Variants in PAPPA observed in about 807,000 individuals in gnomAD.
The protein encoded by PAPPA is pappalysin 1.
Under a neutral mutation model 164.0 loss-of-function variants are expected in PAPPA, and 60 were observed. The observed-to-expected ratio is 0.37, with a 90% confidence interval of 0.30 to 0.45. The LOEUF (loss-of-function observed/expected upper bound fraction) is 0.45, where lower values mean the gene tolerates loss of function less well. PAPPA is among the 20% of genes least tolerant of loss of function. PAPPA has a pLI of 1.00. For synonymous variants in PAPPA, 875 were observed against 814.1 expected (o/e 1.07, Z -1.27); for missense variants, 1,782 against 2,087.3 (o/e 0.85, Z 2.85).
chr9:116,317,566 C>G (rs1038569373), intron 10 of PAPPA, among the ~76,000 whole-genome samples: 2 of 152,178 alleles, frequency 1.3e-5, no homozygotes, highest in African/African-American at 4.8e-5. Flanking sequence ...GTGTCTAAAT[C>G]TCAGTCAGTT....
At chr9:116,312,595 G>T (rs548385120) in intron 10 of PAPPA, among the ~76,000 whole-genome samples, 1 of 152,174 alleles carries the variant, frequency 6.6e-6, no homozygotes, top group South Asian at 2.1e-4. Context: ...TTAGAGTTTG[G>T]CTGTGCACAA....
At chr9:116,334,295 C>T (rs1846032093) in intron 12 of PAPPA, among the ~76,000 whole-genome samples, 1 of 151,380 alleles carries the variant, frequency 6.6e-6, no homozygotes, top group South Asian at 2.1e-4. Context: ...TGAATTCTCC[C>T]TAGAGTTTTA....
At chr9:116,222,864 A>C (rs1005162934) in intron 5 of PAPPA, among the ~76,000 whole-genome samples, 3 of 152,256 alleles carry the variant, frequency 2.0e-5, no homozygotes, top group Admixed American at 1.3e-4. Context: ...GCCAAAAAAC[A>C]GTGTGAGAGA....
intron 2 of PAPPA, among the ~76,000 whole-genome samples, chr9:116,205,580 G>A (rs780255043): frequency 2.0e-5 from 3 of 152,288 alleles, no homozygotes; most frequent in South Asian, 2.1e-4. Context: ...AAATGAGGGT[G>A]AGGTTGTGGG....
intron 1 of PAPPA, among the ~76,000 whole-genome samples, chr9:116,169,800 A>T (rs1843756462): frequency 1.3e-5 from 2 of 151,194 alleles, no homozygotes; most frequent in African/African-American, 4.9e-5. Flanking sequence ...GAGTTACTGG[A>T]TCTGGTTTAT....
intron 4 of PAPPA, among the ~76,000 whole-genome samples, chr9:116,213,641 T>C (rs1052958249): frequency 6.6e-6 from 1 of 152,176 alleles, no homozygotes; most frequent in African/African-American, 2.4e-5. Context: ...GAGCTGCCAC[T>C]AGCTACCAGA....
chr9:116,168,959 T>C (rs1843744474), intron 1 of PAPPA, among the ~76,000 whole-genome samples: 1 of 152,212 alleles, frequency 6.6e-6, no homozygotes, highest in African/African-American at 2.4e-5. Context: ...ACTAGTCATG[T>C]CGGTGAGGGC....
Position 116,352,887 on chromosome 9 carries a change from T to G in PAPPA, c.4146T>G (p.His1382Gln). 1 of 1,614,108 alleles carries G rather than the reference T, an allele frequency of 6.2e-7. No individual in the cohort carries two copies. ...AATACAAATGCAAGCCTGGATACCA[T>G]GTGCCTGGATCCTCTCGGAAGTCAA... is the stretch of plus-strand genomic sequence containing the variant. ...FCKYKCKPGY[H>Q]VPGSSRKSKK... The change falls in exon 16 of 22, where the codon CAT becomes CAG. Residue 1382 changes from histidine to glutamine, a missense_variant. By Grantham distance (24) the His-to-Gln change is conservative. Around this residue, in one of 2 missense-constraint regions of PAPPA, gnomAD observed 1,324 missense variants for 1,656.9 expected, o/e 0.80. Transcript: ENST00000328252.
chr9:116,328,985 G>A lies in PAPPA; in HGVS notation c.3148-2259G>A, dbSNP rs186699419. Among the ~76,000 whole-genome samples, 34 of 152,286 alleles carry A rather than the reference G, an allele frequency of 2.2e-4. No individual in the cohort carries two copies. In the East Asian group the frequency reaches 5.8e-3, roughly 26 times the overall value. ...TTTATTTAAAAATAAAAGTATTAAT[G>A]CTTGCAACTGCAGATTATAATGCAA... On this transcript the variant is annotated intron_variant, in intron 10 of 21. Transcript: ENST00000328252.
At chr9:116,366,889 T>TG (rs58977822) in intron 18 of PAPPA, among the ~76,000 whole-genome samples, 5,143 of 152,210 alleles carry the variant, frequency 0.034, 325 homozygotes, top group African/African-American at 0.12. Flanking sequence ...ATGCACTTGT[T>TG]GGAGTGGGAA....
chr9:116,169,003 G>C (rs1843745031), intron 1 of PAPPA, among the ~76,000 whole-genome samples: 1 of 152,172 alleles, frequency 6.6e-6, no homozygotes, highest in African/African-American at 2.4e-5. Flanking sequence ...GAACAGATTA[G>C]AGATGGCTCC....
chr9:116,303,598 C>G (rs1389237854), intron 10 of PAPPA, among the ~76,000 whole-genome samples: 1 of 152,168 alleles, frequency 6.6e-6, no homozygotes, highest in African/African-American at 2.4e-5. Context: ...AGCCCCCTTT[C>G]CAATTATCCT....
chr9:116,302,732 C>T (rs1362483806), intron 9 of PAPPA, 25 bp from the exon 10 acceptor site: 1 of 1,585,186 alleles, frequency 6.3e-7, no homozygotes, highest in South Asian at 1.1e-5. Context: ...TTTATTCTCT[C>T]CCTTTCTATG....
In PAPPA at chr9:116,382,423, C is replaced by T. The variant is rs1035400760; in HGVS notation, c.4706C>T (p.Ala1569Val). ...TTCATGGGAGACAATTATTGTGATG[C>T]CATCAACAACCGAGCCTTTTGCAAC... ...EPFMGDNYCD[A>V]INNRAFCNYD... The change falls in exon 21 of 22, where the codon GCC becomes GTC. Residue 1569 changes from alanine to valine, a missense_variant. Coordinates refer to ENST00000328252, the MANE Select transcript of PAPPA (RefSeq NM_002581.5). The T allele has an allele frequency of 6.2e-7, 1 of 1,613,386 alleles. No individual in the cohort carries two copies. Among genetic ancestry groups the T allele is most frequent in the African/African-American group, 1.3e-5 (1 of 75,014 alleles).
At chr9:116,241,436 C>T (rs749043434) in intron 7 of PAPPA, among the ~76,000 whole-genome samples, 40 of 152,042 alleles carry the variant, frequency 2.6e-4, no homozygotes, top group Non-Finnish European at 5.1e-4. Context: ...CAGAAGTGTC[C>T]CCCAGTAACT....
At position 116,399,633 on chromosome 9, in the gene PAPPA, A is replaced by G. The variant is rs970843639; in HGVS notation, c.*3017A>G. On this transcript the variant is annotated 3_prime_UTR_variant, in exon 22 of 22. Transcript: ENST00000328252. ...GAAAGATGAGGTGGACAGTCCTCTA[A>G]GCCCTATTTAGGGAAGCTTTTCCAA... 5.9e-5 allele frequency: 9 copies of G among 152,596 alleles called. No individual in the cohort carries two copies. The highest frequency in any genetic ancestry group is 2.2e-4 in the African/African-American group (9 of 41,438). 9.5% of individuals were successfully genotyped at this position (152,596 alleles called of 1,614,324 possible). A position where few individuals can be genotyped will look rare whatever the true frequency, so the allele number is the denominator to read the frequency against.
chr9:116,351,977 G>A (rs1000709334), intron 15 of PAPPA, among the ~76,000 whole-genome samples: 3 of 152,158 alleles, frequency 2.0e-5, no homozygotes, highest in African/African-American at 4.8e-5. Flanking sequence ...GCTGTGCCTC[G>A]ATAATATATG....
At chr9:116,292,035 A>G (rs1413668913) in intron 9 of PAPPA, among the ~76,000 whole-genome samples, 1 of 152,198 alleles carries the variant, frequency 6.6e-6, no homozygotes, top group African/African-American at 2.4e-5. Flanking sequence ...GTGAACATCA[A>G]GTTCAGGTTC....
intron 18 of PAPPA, among the ~76,000 whole-genome samples, chr9:116,365,612 ATT>A (rs35415996): frequency 8.1e-5 from 11 of 135,542 alleles, no homozygotes; most frequent in South Asian, 2.4e-4. Flanking sequence ...CAGAGGCTGC[ATT>A]TTTTTTTTTC....
Sources: gnomAD v4.1 joint callset for allele counts (sites outside exome capture counted in the v4.1 genomes callset) on GRCh38, gnomAD v4.1.1 for gene constraint, gnomAD v4.1.1 regional missense constraint, MANE v1.5 for transcripts, NCBI Gene and HGNC (gene_info 2026-07-23, HGNC 2026-07-21) for gene names.